The following ZNF184 variants were observed in gnomAD, a reference collection of about 807,000 sequenced individuals.
ZNF184 encodes the protein zinc finger protein 184, also known as zinc finger protein 184 (Kruppel-like).
Under a neutral mutation model 54.4 loss-of-function variants are expected in ZNF184, and 16 were observed. That is an observed-to-expected ratio of 0.29 (90% CI 0.20 to 0.45). ZNF184 has a LOEUF of 0.45. ZNF184 is among the 20% of genes least tolerant of loss of function. The probability of loss-of-function intolerance (pLI) is 1.00; values close to 1 mark genes in which losing one functional copy is unlikely to be tolerated. For missense variants in ZNF184, 681 were observed against 888.2 expected (o/e 0.77, Z 2.97); for synonymous variants, 254 against 295.3 (o/e 0.86, Z 1.43).
At chr6:27,448,764 CTTTT>C (rs10603749), downstream of ZNF184, among the ~76,000 whole-genome samples, 6 of 150,086 alleles carry the variant, frequency 4.0e-5, no homozygotes, top group African/African-American at 1.5e-4. Flanking sequence ...AATGCATTTC[CTTTT>C]TTTTTTTCCC....
chr6:27,460,829 A>G (rs1011760931), intron 3 of ZNF184, among the ~76,000 whole-genome samples: 6 of 152,228 alleles, frequency 3.9e-5, no homozygotes, highest in African/African-American at 1.4e-4. Flanking sequence ...GGGCAAGTCT[A>G]GACTGTGAAG....
downstream of ZNF184, among the ~76,000 whole-genome samples, chr6:27,447,717 A>G (rs530594785): frequency 1.3e-5 from 2 of 152,316 alleles, no homozygotes; most frequent in East Asian, 3.9e-4. Context: ...CTGTCTCAAA[A>G]AAACAAACAA....
the ZNF184 span, among the ~76,000 whole-genome samples, chr6:27,435,853 TGCCTTCAGTCATATGGTATG>T: frequency 6.6e-6 from 1 of 152,180 alleles, no homozygotes. Flanking sequence ...GACCTTCATA[TGCCTTCAGTCATATGGTATG>T]GCCTTCAGTC....
At chr6:27,410,617 C>G in the ZNF184 span, among the ~76,000 whole-genome samples, 1 of 152,084 alleles carries the variant, frequency 6.6e-6, no homozygotes, top group African/African-American at 2.4e-5. Context: ...CTGCAACCTC[C>G]CCTTCCCGGG....
chr6:27,430,457 T>C, the ZNF184 span, among the ~76,000 whole-genome samples: 1 of 151,736 alleles, frequency 6.6e-6, no homozygotes, highest in Non-Finnish European at 1.5e-5. Flanking sequence ...GAGGTTATCC[T>C]GGTTAGCAGC....
intron 3 of ZNF184, among the ~76,000 whole-genome samples, chr6:27,464,985 C>A (rs143335409): frequency 0.076 from 9,606 of 125,890 alleles, 403 homozygotes; most frequent in Middle Eastern, 0.22. Context: ...CCACTGCACT[C>A]CAGGCTGGGC....
At chr6:27,466,688 AT>A (rs765662773) in intron 3 of ZNF184, among the ~76,000 whole-genome samples, 2 of 149,108 alleles carry the variant, frequency 1.3e-5, no homozygotes, top group Non-Finnish European at 3.0e-5. Flanking sequence ...AAAAAAAAAA[AT>A]ACCAAAAGTA....
chr6:27,417,239 A>G, the ZNF184 span, among the ~76,000 whole-genome samples: 1 of 152,230 alleles, frequency 6.6e-6, no homozygotes, highest in East Asian at 1.9e-4. Context: ...TTGCAAAGCA[A>G]AAATGTCAAA....
At chr6:27,469,739 C>A (rs1283107813) in intron 2 of ZNF184, among the ~76,000 whole-genome samples, 9 of 151,870 alleles carry the variant, frequency 5.9e-5, no homozygotes, top group Admixed American at 5.2e-4. Context: ...AACAATCAAA[C>A]AGGTAAGGGT....
At chr6:27,420,002 G>A in the ZNF184 span, among the ~76,000 whole-genome samples, 1 of 152,102 alleles carries the variant, frequency 6.6e-6, no homozygotes, top group African/African-American at 2.4e-5. Context: ...CCTTTGTCTG[G>A]AATCCTTTTC....
chr6:27,457,217 C>A (rs1454460599), intron 4 of ZNF184, 66 bp downstream of exon 4: 2 of 1,561,412 alleles, frequency 1.3e-6, no homozygotes, highest in Non-Finnish European at 1.7e-6. Context: ...GCAAACTCCC[C>A]TGAGCACAAG....
At chr6:27,429,508 G>T in the ZNF184 span, among the ~76,000 whole-genome samples, 1 of 152,112 alleles carries the variant, frequency 6.6e-6, no homozygotes, top group Non-Finnish European at 1.5e-5. Context: ...TATGTTGTTA[G>T]CTTCTTGCGG....
chr6:27,467,742 A>G lies in ZNF184; in HGVS notation c.75+111T>C. 3 of 1,017,486 alleles carry G rather than the reference A, an allele frequency of 2.9e-6. No individual in the cohort carries two copies. In the South Asian group the frequency reaches 5.2e-5, roughly 18 times the overall value. 63.0% of individuals were successfully genotyped at this position (1,017,486 alleles called of 1,614,324 possible). ...GCGGTTACTAGACAGATGAGAGCCC[A>G]GAATGAACTGCCAACATTGATTTTT... On this transcript the variant is annotated intron_variant, in intron 3 of 5. Coordinates refer to ENST00000683788, the MANE Select transcript of ZNF184 (RefSeq NM_001318891.2).
chr6:27,424,885 T>A, the ZNF184 span, among the ~76,000 whole-genome samples: 7 of 152,034 alleles, frequency 4.6e-5, no homozygotes, highest in Non-Finnish European at 8.8e-5. Flanking sequence ...GGGGTGGCGC[T>A]CGTCGGGGAG....
chr6:27,460,771 A>G (rs1474533151), intron 3 of ZNF184, among the ~76,000 whole-genome samples: 2 of 152,204 alleles, frequency 1.3e-5, no homozygotes, highest in African/African-American at 4.8e-5. Context: ...TTGAGAAGTT[A>G]TGTGCACAGT....
At chr6:27,420,191 C>T in the ZNF184 span, among the ~76,000 whole-genome samples, 1 of 152,124 alleles carries the variant, frequency 6.6e-6, no homozygotes, top group East Asian at 1.9e-4. Flanking sequence ...CCGATAAATG[C>T]TTCTATGGAT....
At chr6:27,467,519 C>T (rs541311726) in intron 3 of ZNF184, among the ~76,000 whole-genome samples, 2 of 152,200 alleles carry the variant, frequency 1.3e-5, no homozygotes, top group Admixed American at 1.3e-4. Context: ...TGCTTGAACC[C>T]GGCAGGCGGA....
At chr6:27,415,156 G>A in the ZNF184 span, among the ~76,000 whole-genome samples, 1 of 152,148 alleles carries the variant, frequency 6.6e-6, no homozygotes, top group Non-Finnish European at 1.5e-5. Context: ...AACTCAGTGG[G>A]GGCTGTTGGT....
the ZNF184 span, chr6:27,407,853 A>G: frequency 4.2e-5 from 33 of 788,396 alleles, no homozygotes; most frequent in South Asian, 4.1e-4. Flanking sequence ...CATCACTCAT[A>G]TCTATAAGGA....
Sources: gnomAD v4.1 joint callset for allele counts (sites outside exome capture counted in the v4.1 genomes callset) on GRCh38, gnomAD v4.1.1 for gene constraint, MANE v1.5 for transcripts, NCBI Gene and HGNC (gene_info 2026-07-23, HGNC 2026-07-21) for gene names.